PPP1R9A: variants seen among roughly 807,000 people sequenced by gnomAD.
PPP1R9A encodes neurabin-1.
Under a neutral mutation model 141.9 loss-of-function variants are expected in PPP1R9A, and 59 were observed. The observed-to-expected ratio is 0.42, with a 90% CI of 0.34 to 0.52. The LOEUF (loss-of-function observed/expected upper bound fraction) is 0.52, where lower values mean the gene tolerates loss of function less well. Ranked by LOEUF, PPP1R9A falls within the 20% of genes least tolerant of loss-of-function variation. The pLI is 0.10. For synonymous variants in PPP1R9A, 500 were observed against 569.7 expected, an observed-to-expected ratio of 0.88 and a Z score of 1.74; for missense variants, 1,444 against 1,611.9, an observed-to-expected ratio of 0.90 and a Z score of 1.78.
Position 95,127,839 on chromosome 7 carries a change from G to A in PPP1R9A, c.1649+7007G>A, listed in dbSNP as rs180917095. On this transcript the variant is annotated intron_variant, in intron 4 of 19. Coordinates refer to ENST00000433360, the MANE Select transcript of PPP1R9A (RefSeq NM_001166160.2). Reference sequence around the variant, plus strand: ...CCAGTTTCATCCTTGTTGCTGTGAAGGACATGATTTCATTCTTTTTTATAG... The same window carrying A: ...CCAGTTTCATCCTTGTTGCTGTGAAAGACATGATTTCATTCTTTTTTATAG... Among the ~76,000 whole-genome samples the A allele has an allele frequency of 7.2e-5, 11 of 152,260 alleles. No homozygotes were observed. The East Asian group carries it at 1.9e-3, about 27-fold the overall frequency.
chr7:95,030,307 TA>T (rs1807486591), intron 2 of PPP1R9A, among the ~76,000 whole-genome samples: 1 of 152,168 alleles, frequency 6.6e-6, no homozygotes, highest in African/African-American at 2.4e-5. Flanking sequence ...AAACACTTTT[TA>T]AAAACATCTT....
At chr7:94,948,766 A>G (rs1292741689) in intron 2 of PPP1R9A, among the ~76,000 whole-genome samples, 2 of 152,104 alleles carry the variant, frequency 1.3e-5, no homozygotes, top group African/African-American at 2.4e-5. Context: ...CATTTATAGC[A>G]TACTTGAAAC....
At chr7:95,104,750 C>T (rs2152417497) in intron 2 of PPP1R9A, among the ~76,000 whole-genome samples, 1 of 152,302 alleles carries the variant, frequency 6.6e-6, no homozygotes, top group East Asian at 1.9e-4. Flanking sequence ...ATACATTGCT[C>T]TAAAGCTATT....
intron 7 of PPP1R9A, among the ~76,000 whole-genome samples, chr7:95,210,394 G>A (rs1199221819): frequency 3.9e-5 from 6 of 152,020 alleles, no homozygotes; most frequent in Admixed American, 6.6e-5. Context: ...ATTTTTATTT[G>A]AAAGGATATT....
chr7:95,087,293 G>A (rs934613045), intron 2 of PPP1R9A, among the ~76,000 whole-genome samples: 19 of 152,084 alleles, frequency 1.2e-4, no homozygotes, highest in African/African-American at 4.1e-4. Flanking sequence ...TTGCTAACCC[G>A]TTTTAGATTT....
intron 2 of PPP1R9A, among the ~76,000 whole-genome samples, chr7:94,961,071 T>C (rs1797589322): frequency 6.6e-6 from 1 of 151,586 alleles, no homozygotes; most frequent in African/African-American, 2.4e-5. Context: ...AAGGGGAGAA[T>C]TGAGTAGTGA....
At position 95,096,541 on chromosome 7, in the gene PPP1R9A, T is replaced by G. The variant is rs2188475; in HGVS notation, c.1396-14718T>G. 4.1e-3 allele frequency among the ~76,000 whole-genome samples: 623 copies of G among 152,306 alleles called. 1 individual carries two copies. The highest frequency in any genetic ancestry group is 6.7e-3 in the Non-Finnish European group (457 of 68,028). ...ACTGAAGATAGAGGTTTCCTAGAGC[T>G]TCTGGCTCCTCTCTTTCTTTTTAGT... On this transcript the variant is annotated intron_variant, in intron 2 of 19. Transcript: ENST00000433360.
At chr7:95,243,143 GC>G (rs1318128016) in intron 8 of PPP1R9A, among the ~76,000 whole-genome samples, 3 of 152,068 alleles carry the variant, frequency 2.0e-5, no homozygotes, top group Non-Finnish European at 1.5e-5. Context: ...TGCTCACTTT[GC>G]TTGGAAAGTA....
At chr7:95,216,083 C>T (rs1793343412) in intron 7 of PPP1R9A, among the ~76,000 whole-genome samples, 1 of 152,168 alleles carries the variant, frequency 6.6e-6, no homozygotes, top group African/African-American at 2.4e-5. Context: ...CTAGGTTTTC[C>T]TCTAGGGTTT....
chr7:94,950,024 T>C (rs1796303028), intron 2 of PPP1R9A, among the ~76,000 whole-genome samples: 1 of 151,946 alleles, frequency 6.6e-6, no homozygotes, highest in Admixed American at 6.6e-5. Flanking sequence ...CTAAAAATTA[T>C]GAAGGATCCC....
intron 7 of PPP1R9A, among the ~76,000 whole-genome samples, chr7:95,204,705 A>C (rs1427151309): frequency 1.5e-5 from 2 of 133,762 alleles, no homozygotes; most frequent in Non-Finnish European, 1.6e-5. Context: ...CACACACACC[A>C]CACACACACA....
At chr7:94,925,408 C>T (rs146121612) in intron 2 of PPP1R9A, among the ~76,000 whole-genome samples, 5 of 152,260 alleles carry the variant, frequency 3.3e-5, no homozygotes, top group East Asian at 3.9e-4. Context: ...TTAACCATCA[C>T]GGTCAAGCTT....
At position 95,197,636 on chromosome 7, in the gene PPP1R9A, G is replaced by A. The variant is rs890933043; in HGVS notation, c.1755-713G>A. Among the ~76,000 whole-genome samples the A allele has an allele frequency of 7.9e-5, 12 of 151,914 alleles. No homozygotes were observed. In the East Asian group the frequency reaches 9.7e-4, roughly 12 times the overall value. On this transcript the variant is annotated intron_variant, in intron 5 of 19. Transcript: ENST00000433360. ...TTTAGCCACCTGAGTTATGCTATGCGTCAAAATGTTTGTTGTTGTTGTTGT... is the reference window on the plus strand; with the variant it reads ...TTTAGCCACCTGAGTTATGCTATGCATCAAAATGTTTGTTGTTGTTGTTGT...
At chr7:95,275,092 T>C (rs1802911973) in intron 16 of PPP1R9A, among the ~76,000 whole-genome samples, 1 of 152,224 alleles carries the variant, frequency 6.6e-6, no homozygotes, top group African/African-American at 2.4e-5. Flanking sequence ...TTTATATTTA[T>C]CATTTCATTT....
chr7:95,238,394 C>A (rs1280523742), intron 8 of PPP1R9A, among the ~76,000 whole-genome samples: 2 of 152,072 alleles, frequency 1.3e-5, no homozygotes, highest in Non-Finnish European at 2.9e-5. Context: ...CTGAAATAGG[C>A]TATCCCTGAT....
At chr7:95,237,050 T>A (rs890063425) in intron 8 of PPP1R9A, among the ~76,000 whole-genome samples, 6 of 151,800 alleles carry the variant, frequency 4.0e-5, no homozygotes, top group East Asian at 1.9e-4. Flanking sequence ...TAGAATTTTT[T>A]AAGATATTTT....
chr7:95,188,021 T>C (rs1309831598), intron 5 of PPP1R9A, among the ~76,000 whole-genome samples: 1 of 152,034 alleles, frequency 6.6e-6, no homozygotes, highest in African/African-American at 2.4e-5. Flanking sequence ...GTTAAGTCCA[T>C]TTGAAGTCCA....
Position 95,114,436 on chromosome 7 carries a change from G to T in PPP1R9A, c.1528+3045G>T, listed in dbSNP as rs1821111885. ...TATAATGGTCACTGAGGAAAGAGTT[G>T]CTGTGTCAGGGAGGGATATATAGTG... is the stretch of plus-strand genomic sequence containing the variant. On this transcript the variant is annotated intron_variant, in intron 3 of 19. Coordinates refer to ENST00000433360, the MANE Select transcript of PPP1R9A (RefSeq NM_001166160.2). Among the ~76,000 whole-genome samples, 3 of 152,142 alleles carry T rather than the reference G, an allele frequency of 2.0e-5. No homozygotes were observed. The South Asian group carries it at 6.2e-4, about 31-fold the overall frequency.
intron 5 of PPP1R9A, among the ~76,000 whole-genome samples, chr7:95,163,578 C>T (rs560641707): frequency 2.0e-5 from 3 of 152,198 alleles, no homozygotes; most frequent in South Asian, 2.1e-4. Flanking sequence ...TGTGAAAATT[C>T]GAAATCTGAA....
Sources: gnomAD v4.1 joint callset for allele counts (sites outside exome capture counted in the v4.1 genomes callset) on GRCh38, gnomAD v4.1.1 for gene constraint, MANE v1.5 for transcripts, NCBI Gene and HGNC (gene_info 2026-07-23, HGNC 2026-07-21) for gene names.